Variants in FBLN2 observed in about 807,000 individuals in gnomAD.
FBLN2 encodes the protein fibulin-2.
A neutral mutation model predicts 123.7 loss-of-function variants in FBLN2; 81 were observed. That is an observed-to-expected ratio of 0.65 (90% CI 0.55 to 0.79). The LOEUF is 0.79. FBLN2 is among the 30% of genes least tolerant of loss of function. FBLN2 has a pLI of 0.00. For synonymous variants in FBLN2, 699 were observed against 701.4 expected, an observed-to-expected ratio of 1.00 and a Z score of 0.05; for missense variants, 1,603 against 1,681.3, an observed-to-expected ratio of 0.95 and a Z score of 0.81.
chr3:13,614,901 TATCCATCCATCCATCC>T (rs113294664), intron 5 of FBLN2, among the ~76,000 whole-genome samples: 4 of 139,704 alleles, frequency 2.9e-5, no homozygotes, highest in South Asian at 4.7e-4. Context: ...TCTATTCATC[TATCCATCCATCCATCC>T]ATCCATCCAT....
chr3:13,626,673 A>T, intron 10 of FBLN2, 94 bp downstream of exon 10: 1 of 1,315,894 alleles, frequency 7.6e-7, no homozygotes, highest in Admixed American at 2.6e-5. Context: ...TGCCCTGGCC[A>T]CCCTTAGGCC....
intron 15 of FBLN2, 149 bp from the exon 16 acceptor site, chr3:13,631,180 G>C (rs1008531771): frequency 9.4e-7 from 1 of 1,060,162 alleles, no homozygotes; most frequent in Non-Finnish European, 1.3e-6. Context: ...GTGGCCTTGG[G>C]CAACTCTCTT....
At chr3:13,588,894 G>A (rs932145336) in intron 2 of FBLN2, among the ~76,000 whole-genome samples, 6 of 152,196 alleles carry the variant, frequency 3.9e-5, no homozygotes, top group Non-Finnish European at 8.8e-5. Context: ...GAAAGAAAAA[G>A]CAACAGAATT....
At chr3:13,600,017 C>CAGAGAG (rs113759892) in intron 2 of FBLN2, among the ~76,000 whole-genome samples, 3 of 137,286 alleles carry the variant, frequency 2.2e-5, no homozygotes, top group African/African-American at 5.9e-5. Context: ...AAAAACACGA[C>CAGAGAG]AGAGAGAGAG....
intron 1 of FBLN2, among the ~76,000 whole-genome samples, chr3:13,563,123 C>G (rs1703656776): frequency 6.6e-6 from 1 of 152,228 alleles, no homozygotes; most frequent in South Asian, 2.1e-4. Context: ...AAATTACTTT[C>G]TGGGCCTCAG....
Position 13,602,239 on chromosome 3 carries a change from A to G in FBLN2, c.1307-5823A>G, listed in dbSNP as rs961072620. 3.3e-5 allele frequency among the ~76,000 whole-genome samples: 5 copies of G among 152,230 alleles called. No homozygotes were observed. In the East Asian group the frequency reaches 9.6e-4, roughly 29 times the overall value. ...GCAAAGTTTGAATGCCACCTTCATC[A>G]TATATTCAATTCCCGTATGCACATA... On this transcript the variant is annotated intron_variant, in intron 2 of 17. Transcript: ENST00000404922.
At chr3:13,588,656 C>T (rs747894079) in intron 2 of FBLN2, among the ~76,000 whole-genome samples, 4 of 152,346 alleles carry the variant, frequency 2.6e-5, no homozygotes, top group South Asian at 2.1e-4. Flanking sequence ...CAGAAGACCA[C>T]GCTGGACAGT....
At chr3:13,618,870 C>G (rs375867735) in intron 6 of FBLN2, 34 bp from the exon 7 acceptor site, 1 of 1,555,416 alleles carries the variant, frequency 6.4e-7, no homozygotes, top group Admixed American at 1.8e-5. Flanking sequence ...CCTGAGACCT[C>G]CCTGCAACCC....
intron 2 of FBLN2, among the ~76,000 whole-genome samples, chr3:13,583,711 AG>A (rs1704409817): frequency 6.6e-6 from 1 of 152,256 alleles, no homozygotes; most frequent in African/African-American, 2.4e-5. Context: ...GGGCCACATA[AG>A]GACGTTTTGG....
chr3:13,550,673 G>A (rs1703298681), intron 1 of FBLN2, among the ~76,000 whole-genome samples: 1 of 152,138 alleles, frequency 6.6e-6, no homozygotes, highest in African/African-American at 2.4e-5. Flanking sequence ...TTCCCCATAT[G>A]CCAAATGGGG....
At chr3:13,605,273 T>G (rs539805494) in intron 2 of FBLN2, among the ~76,000 whole-genome samples, 1 of 152,352 alleles carries the variant, frequency 6.6e-6, no homozygotes, top group South Asian at 2.1e-4. Context: ...GGCTCTTGTT[T>G]TATTTATTTA....
At chr3:13,619,855 T>C in intron 8 of FBLN2, 24 bp downstream of exon 8, 1 of 1,590,064 alleles carries the variant, frequency 6.3e-7, no homozygotes, top group South Asian at 1.1e-5. Context: ...GGTGCCCTCC[T>C]ACCTGTGCAA....
intron 2 of FBLN2, among the ~76,000 whole-genome samples, chr3:13,597,836 T>G (rs1047207447): frequency 3.3e-5 from 5 of 152,224 alleles, no homozygotes; most frequent in Non-Finnish European, 7.3e-5. Flanking sequence ...GCCCTGATGC[T>G]GTGAAGTCAA....
chr3:13,572,034 T>A (rs986559233), intron 2 of FBLN2, among the ~76,000 whole-genome samples: 1 of 152,100 alleles, frequency 6.6e-6, no homozygotes, highest in African/African-American at 2.4e-5. Flanking sequence ...CGAAGGGCGG[T>A]CTCTTCTCAG....
chr3:13,629,440 T>A, intron 13 of FBLN2, 148 bp downstream of exon 13: 1 of 1,142,924 alleles, frequency 8.7e-7, no homozygotes, highest in Non-Finnish European at 1.2e-6. Context: ...GCTGGCCTCA[T>A]CCTCCTGCTG....
intron 4 of FBLN2, 46 bp downstream of exon 4, chr3:13,609,688 G>GGGGGCGCC: frequency 2.0e-6 from 1 of 512,602 alleles, no homozygotes; most frequent in East Asian, 6.7e-5. Flanking sequence ...GTGGGGCGGG[G>GGGGGCGCC]CGGGAGGCTG....
chr3:13,593,639 G>C (rs1433955767), intron 2 of FBLN2, among the ~76,000 whole-genome samples: 3 of 151,306 alleles, frequency 2.0e-5, no homozygotes, highest in Non-Finnish European at 4.4e-5. Flanking sequence ...GCTTGAACCT[G>C]AGAGGCAGAG....
At chr3:13,577,330 G>C (rs1040199810) in intron 2 of FBLN2, among the ~76,000 whole-genome samples, 1 of 152,018 alleles carries the variant, frequency 6.6e-6, no homozygotes, top group Non-Finnish European at 1.5e-5. Context: ...AGCGAGCCAC[G>C]CGTGCACCTG....
intron 1 of FBLN2, chr3:13,569,033 G>A: frequency 1.1e-5 from 11 of 986,064 alleles, no homozygotes; most frequent in Non-Finnish European, 1.3e-5. Context: ...AGTCGGAGAA[G>A]GAGCTCTTGC....
Sources: gnomAD v4.1 joint callset for allele counts (sites outside exome capture counted in the v4.1 genomes callset) on GRCh38, gnomAD v4.1.1 for gene constraint, MANE v1.5 for transcripts, NCBI Gene and HGNC (gene_info 2026-07-23, HGNC 2026-07-21) for gene names.